The following POTEB3 variants were observed in gnomAD, a reference collection of about 807,000 sequenced individuals.
POTEB3 encodes POTE ankyrin domain family member B3.
Under a neutral mutation model 39.8 loss-of-function variants are expected in POTEB3, and 5 were observed. The ratio of observed to expected loss-of-function variants is 0.13; its 90% CI spans 0.07 to 0.26. The LOEUF is 0.26. Ranked by LOEUF, POTEB3 falls within the 10% of genes least tolerant of loss-of-function variation. The probability of loss-of-function intolerance (pLI) is 1.00; values close to 1 mark genes in which losing one functional copy is unlikely to be tolerated. For synonymous variants in POTEB3, 5 were observed against 161.5 expected, an observed-to-expected ratio of 0.03 and a Z score of 7.35; for missense variants, 24 against 475.6, an observed-to-expected ratio of 0.05 and a Z score of 8.83.
chr15:21,434,158 T>C (rs73414029), intron 3 of POTEB3, among the ~76,000 whole-genome samples: 130 of 141,030 alleles, frequency 9.2e-4, no homozygotes, highest in African/African-American at 3.6e-3. Flanking sequence ...ATTGCTGCAT[T>C]TTTCCCTTTC....
At chr15:21,413,786 A>G (rs1898360244) in intron 9 of POTEB3, among the ~76,000 whole-genome samples, 1 of 43,032 alleles carries the variant, frequency 2.3e-5, no homozygotes, top group Admixed American at 2.1e-4. Flanking sequence ...AGAGAACAGC[A>G]TGGAGGAAAC....
chr15:21,413,732 G>C (rs1322107941), intron 9 of POTEB3, among the ~76,000 whole-genome samples: 1 of 28,128 alleles, frequency 3.6e-5, no homozygotes, highest in Non-Finnish European at 5.4e-5. Context: ...GAAAGGGAAA[G>C]AGCCCATTAT....
At chr15:21,427,031 G>A (rs2141359873) in intron 6 of POTEB3, among the ~76,000 whole-genome samples, 1 of 150,194 alleles carries the variant, frequency 6.7e-6, no homozygotes, top group African/African-American at 2.5e-5. Context: ...GACCTTGTTG[G>A]GACAAGGATA....
rs2090161 is a variant in POTEB3 at position 21,405,771 on chromosome 15, C to T, written c.*3212G>A. Among the ~76,000 whole-genome samples, 1 of 83,498 alleles carries T rather than the reference C, an allele frequency of 1.2e-5. No homozygotes were observed. Among genetic ancestry groups the T allele is most frequent in the Non-Finnish European group, 2.1e-5 (1 of 46,878 alleles). The allele number at this position is 83,498 out of a possible 152,430, so 54.8% of individuals were successfully genotyped here. A position where few individuals can be genotyped will look rare whatever the true frequency, so the allele number is the denominator to read the frequency against. Reference sequence around the variant, plus strand: ...CTTAATTTTGCTGGACATGAAATTCCGGGTTGAAATTTCTTTTCTTTAAGA... The same window carrying T: ...CTTAATTTTGCTGGACATGAAATTCTGGGTTGAAATTTCTTTTCTTTAAGA... On this transcript the variant is annotated 3_prime_UTR_variant, in exon 11 of 11. Coordinates refer to ENST00000611217, the MANE Select transcript of POTEB3 (RefSeq NM_207355.5).
At chr15:21,428,470 A>G (rs1898817180) in intron 5 of POTEB3, among the ~76,000 whole-genome samples, 1 of 144,764 alleles carries the variant, frequency 6.9e-6, no homozygotes, top group Non-Finnish European at 1.5e-5. Context: ...GAGTTGACCA[A>G]TTTGTTGTGC....
chr15:21,433,566 A>G (rs1299852622), intron 3 of POTEB3, among the ~76,000 whole-genome samples: 4 of 150,664 alleles, frequency 2.7e-5, no homozygotes, highest in South Asian at 4.2e-4. Context: ...CTCTCATCAC[A>G]TAAACAATTC....
rs59893004 is a variant in POTEB3, at chr15:21,409,976, TACACACACAC to T, written c.1534-791_1534-782del. 8.5e-5 allele frequency among the ~76,000 whole-genome samples: 7 copies of T among 82,370 alleles called. 1 individual carries two copies. Among genetic ancestry groups the T allele is most frequent in the African/African-American group, 2.2e-4 (2 of 9,296 alleles). The allele number at this position is 82,370 out of a possible 152,430, so 54.0% of individuals were successfully genotyped here. A position where few individuals can be genotyped will look rare whatever the true frequency, so the allele number is the denominator to read the frequency against. On this transcript the variant is annotated intron_variant, in intron 10 of 10. Transcript: ENST00000611217. ...TGACAGTGCAAGACTCCATCTAGAATACACACACACACACACACACACACACATATATATA... is the reference window on the plus strand; with the variant it reads ...TGACAGTGCAAGACTCCATCTAGAATACACACACACACACACATATATATA...
At position 21,407,852 on chromosome 15, in the gene POTEB3, G is replaced by A. The variant is rs1898246457; in HGVS notation, c.*1131C>T. Among the ~76,000 whole-genome samples, 1 of 72,726 alleles carries A rather than the reference G, an allele frequency of 1.4e-5. No homozygotes were observed. Among genetic ancestry groups the A allele is most frequent in the Non-Finnish European group, 2.4e-5 (1 of 41,440 alleles). 47.7% of individuals were successfully genotyped at this position (72,726 alleles called of 152,430 possible). On this transcript the variant is annotated 3_prime_UTR_variant, in exon 11 of 11. Transcript: ENST00000611217. ...GCAATCTTGCACGTGAGATGGGGCTGGTCTGACCTCAGCACTCCTTAAGTG... is the reference window on the plus strand; with the variant it reads ...GCAATCTTGCACGTGAGATGGGGCTAGTCTGACCTCAGCACTCCTTAAGTG...
chr15:21,424,927 CAACT>C (rs1898621954), intron 6 of POTEB3: 1 of 146,192 alleles, frequency 6.8e-6, no homozygotes, highest in Non-Finnish European at 1.5e-5. Flanking sequence ...AAAAGCCTTC[CAACT>C]ATTAATGTTA....
chr15:21,434,411 C>A lies in POTEB3; in HGVS notation c.810+250G>T, dbSNP rs1241787866. Among the ~76,000 whole-genome samples, 14 of 92,804 alleles carry A rather than the reference C, an allele frequency of 1.5e-4. 1 individual carries two copies. The highest frequency in any genetic ancestry group is 3.0e-4 in the South Asian group (1 of 3,382). 60.9% of individuals were successfully genotyped at this position (92,804 alleles called of 152,430 possible). A position where few individuals can be genotyped will look rare whatever the true frequency, so the allele number is the denominator to read the frequency against. On this transcript the variant is annotated intron_variant, in intron 3 of 10. Coordinates refer to ENST00000611217, the MANE Select transcript of POTEB3 (RefSeq NM_207355.5). ...AAAAATTGAAAAAAAAAAAGTATTACCTTTTACAAATTCCGTGTTTTTTTT... is the reference window on the plus strand; with the variant it reads ...AAAAATTGAAAAAAAAAAAGTATTAACTTTTACAAATTCCGTGTTTTTTTT...
chr15:21,415,019 G>A (rs11853357), intron 9 of POTEB3, among the ~76,000 whole-genome samples: 4,037 of 92,434 alleles, frequency 0.044, 295 homozygotes, highest in African/African-American at 0.096. Context: ...ACCAGAAGGC[G>A]GAGGTTGCAG....
At position 21,425,208 on chromosome 15, in the gene POTEB3, CT is replaced by C. The variant is rs1318877036; in HGVS notation, c.1126+2476del. On this transcript the variant is annotated intron_variant, in intron 6 of 10. Coordinates refer to ENST00000611217, the MANE Select transcript of POTEB3 (RefSeq NM_207355.5). The stretch of plus-strand genomic sequence containing the variant: ...CTATAGGCCACAGGACAAATCCAAT[CT>C]GCCTTTTGGCTTTGTAAATAAAGTT... The C allele has an allele frequency of 6.6e-5, 9 of 136,830 alleles. No homozygotes were observed. In the South Asian group the frequency reaches 2.0e-3, roughly 31 times the overall value. 8.5% of individuals were successfully genotyped at this position (136,830 alleles called of 1,614,324 possible). A position where few individuals can be genotyped will look rare whatever the true frequency, so the allele number is the denominator to read the frequency against.
At position 21,407,985 on chromosome 15, in the gene POTEB3, C is replaced by A. The variant is rs1898248519; in HGVS notation, c.*998G>T. Among the ~76,000 whole-genome samples the A allele has an allele frequency of 5.3e-5, 4 of 75,208 alleles. 2 individuals are homozygous for A. Among genetic ancestry groups the A allele is most frequent in the African/African-American group, 2.9e-4 (2 of 6,940 alleles). The allele number at this position is 75,208 out of a possible 152,430, so 49.3% of individuals were successfully genotyped here. On this transcript the variant is annotated 3_prime_UTR_variant, in exon 11 of 11. Coordinates refer to ENST00000611217, the MANE Select transcript of POTEB3 (RefSeq NM_207355.5). ...GCTGCTCCACCACTTTCCTTGTCTC[C>A]TGGGGGCTACACCCCAGAGAGGTGT...
intron 10 of POTEB3, among the ~76,000 whole-genome samples, chr15:21,409,861 A>C (rs1387658112): frequency 7.5e-5 from 8 of 106,146 alleles, no homozygotes; most frequent in Non-Finnish European, 1.8e-5. Context: ...TAATCCCAGC[A>C]CTTCAGGAGG....
At chr15:21,409,674 T>C (rs1465309859) in intron 10 of POTEB3, among the ~76,000 whole-genome samples, 1 of 96,790 alleles carries the variant, frequency 1.0e-5, no homozygotes, top group Non-Finnish European at 1.9e-5. Flanking sequence ...TTACAGTCAG[T>C]TATAAGAATT....
chr15:21,433,733 A>T (rs1899068788), intron 3 of POTEB3, among the ~76,000 whole-genome samples: 1 of 149,680 alleles, frequency 6.7e-6, no homozygotes, highest in South Asian at 2.1e-4. Flanking sequence ...CTTATCTCCC[A>T]CCTTCCCATC....
intron 6 of POTEB3, chr15:21,426,381 G>A (rs1898707777): frequency 3.1e-6 from 1 of 325,874 alleles, no homozygotes; most frequent in Non-Finnish European, 6.0e-6. Context: ...CTTCCAGTTG[G>A]CATCTAGCAC....
intron 10 of POTEB3, among the ~76,000 whole-genome samples, chr15:21,410,190 A>C (rs1898294891): frequency 1.2e-5 from 1 of 83,568 alleles, no homozygotes; most frequent in Admixed American, 9.8e-5. Context: ...ATTATTTGCC[A>C]TTGCAATAAC....
rs1898308955 is a variant in POTEB3, at chr15:21,410,877, C to T, written c.1533+1G>A. The T allele has an allele frequency of 6.4e-6, 7 of 1,093,006 alleles. 2 individuals are homozygous for T. The highest frequency in any genetic ancestry group is 2.3e-5 in the Admixed American group (1 of 43,928). 67.7% of individuals were successfully genotyped at this position (1,093,006 alleles called of 1,614,324 possible). ...CATTTGATAATGACTAAAGAAAATA[C>T]CTTAGAATTCATTTCCTTTTCAGCC... On this transcript the variant is annotated splice_donor_variant, in intron 10 of 10. Coordinates refer to ENST00000611217, the MANE Select transcript of POTEB3 (RefSeq NM_207355.5). LOFTEE classifies it high-confidence loss of function.
Sources: gnomAD v4.1 joint callset for allele counts (sites outside exome capture counted in the v4.1 genomes callset) on GRCh38, gnomAD v4.1.1 for gene constraint, MANE v1.5 for transcripts, NCBI Gene and HGNC (gene_info 2026-07-23, HGNC 2026-07-21) for gene names.